ACP4: variants seen among roughly 807,000 people sequenced by gnomAD.
ACP4 encodes the protein acid phosphatase 4, also known as testicular acid phosphatase.
In ACP4, 49 loss-of-function variants were observed where a neutral mutation model predicts 47.3. The observed-to-expected ratio is 1.04, with a 90% CI of 0.82 to 1.32. The LOEUF (loss-of-function observed/expected upper bound fraction) is 1.32, where lower values mean the gene tolerates loss of function less well. ACP4 is among the 40% of genes most tolerant of loss of function. The pLI is 0.00. For synonymous variants in ACP4, 299 were observed against 265.3 expected (o/e 1.13, Z -1.23); for missense variants, 594 against 579.3 (o/e 1.03, Z -0.26).
rs373891137 is a variant in ACP4, at chr19:50,792,190, G to T, written c.549+19G>T. On this transcript the variant is annotated intron_variant, in intron 5 of 10. Coordinates refer to ENST00000270593, the MANE Select transcript of ACP4 (RefSeq NM_033068.3). ...CTGGACGGTGAGCAGGGCGGCGGTG[G>T]GGGGCGGGATGCAGGGGATGGGCCT... 1.7e-4 allele frequency: 278 copies of T among 1,610,878 alleles called. 1 individual carries two copies. The Middle Eastern group carries it at 2.6e-3, about 15-fold the overall frequency.
In ACP4 at chr19:50,791,697, T is replaced by C. The variant is rs1281712654; in HGVS notation, c.345T>C (p.Ser115=). 10 of 1,613,246 alleles carry C rather than the reference T, an allele frequency of 6.2e-6. No homozygotes were observed. The highest frequency in any genetic ancestry group is 8.5e-6 in the Non-Finnish European group (10 of 1,179,894). The change falls in exon 4 of 11, where the codon AGT becomes AGC. Residue 115 remains serine, a synonymous_variant. Coordinates refer to ENST00000270593, the MANE Select transcript of ACP4 (RefSeq NM_033068.3). ...RSTDFDRTLE[S]AQANLAGLFP... is the part of the protein sequence containing the mutation. ...CGGACTTTGACCGCACGCTGGAGAG[T>C]GCCCAGGCCAACCTTGCCGGGCTGT... is the stretch of plus-strand genomic sequence containing the variant.
chr19:50,790,736 G>GGGTGGGGAGT, intron 2 of ACP4, 38 bp downstream of exon 2: 2 of 1,540,992 alleles, frequency 1.3e-6, no homozygotes, highest in Non-Finnish European at 1.7e-6. Flanking sequence ...AGGGTGGGAG[G>GGGTGGGGAGT]GGTGGGGAGT....
chr19:50,791,938 G>A (rs3810283), intron 4 of ACP4, 135 bp from the exon 5 acceptor site: 128,270 of 1,446,632 alleles, frequency 0.089, 6,018 homozygotes, highest in African/African-American at 0.13. Context: ...GGTGAGCCCC[G>A]GCCCACGCTG....
chr19:50,794,905 C>T lies in ACP4; in HGVS notation c.1106C>T (p.Ala369Val), dbSNP rs140557537. 2.2e-4 allele frequency: 350 copies of T among 1,613,566 alleles called. No individual in the cohort carries two copies. In the African/African-American group the frequency reaches 3.3e-3, roughly 15 times the overall value. ...CGCTTCTACCAGCTGACTGCCCCGG[C>T]CCGGCCTCCCGCCCATGGGGTCTCC... ...LGRFYQLTAPARPPAHGVSCH... is the reference protein window; with the variant it reads ...LGRFYQLTAPVRPPAHGVSCH... Residue 369 changes from alanine to valine, a missense_variant, in exon 10 of 11, where the codon GCC (alanine) becomes GTC (valine). Coordinates refer to ENST00000270593, the MANE Select transcript of ACP4 (RefSeq NM_033068.3).
intron 6 of ACP4, chr19:50,792,888 G>A (rs538515360): frequency 2.6e-5 from 4 of 152,588 alleles, no homozygotes; most frequent in African/African-American, 7.2e-5. Context: ...TGGGGTCTAT[G>A]TTGCCCAGGA....
chr19:50,794,209 T>C (rs1435977415), intron 8 of ACP4, among the ~76,000 whole-genome samples: 1 of 152,222 alleles, frequency 6.6e-6, no homozygotes, highest in Admixed American at 6.5e-5. Flanking sequence ...GAAACTATGA[T>C]TGGACTAAGC....
At chr19:50,792,953 G>T (rs2089522756) in intron 6 of ACP4, among the ~76,000 whole-genome samples, 4 of 152,142 alleles carry the variant, frequency 2.6e-5, no homozygotes, top group Non-Finnish European at 5.9e-5. Context: ...TTACAGGCGT[G>T]AGCCACCATA....
In ACP4 at chr19:50,790,698, G is replaced by A. The variant is rs2162784; in HGVS notation, c.216G>A (p.Thr72=). Residue 72 remains threonine, a splice_region_variant and synonymous_variant, in exon 2 of 11, where the codon ACG becomes ACA. Transcript: ENST00000270593. The part of the protein sequence containing the change: ...LWPRGLGQLT[T]EGVRQQLELG... ...CACGAGGCCTGGGCCAGCTGACCAC[G>A]GTGAGAAGCGGGTAGGCGGTGAGGG... 137,076 of 1,545,498 alleles carry A rather than the reference G, an allele frequency of 0.089. 6,439 individuals are homozygous for A. The highest frequency in any genetic ancestry group is 0.13 in the African/African-American group (9,691 of 73,112).
In ACP4 at chr19:50,794,848, T is replaced by TC; in HGVS notation, c.1053dup (p.Gly352ArgfsTer32). On this transcript the variant is annotated frameshift_variant, in exon 10 of 11. Coordinates refer to ENST00000270593, the MANE Select transcript of ACP4 (RefSeq NM_033068.3). LOFTEE classifies it high-confidence loss of function. Reference sequence around the variant, plus strand: ...GCCCACCTGCCCCTGCCTCTCAGCCTCCCCGGGTGCCCGGCCCCCTGTCCA... The same window carrying TC: ...GCCCACCTGCCCCTGCCTCTCAGCCTCCCCCGGGTGCCCGGCCCCCTGTCCA... The TC allele has an allele frequency of 6.2e-7, 1 of 1,613,524 alleles. No individual in the cohort carries two copies. The highest frequency in any genetic ancestry group is 1.1e-5 in the South Asian group (1 of 90,980).
At position 50,795,060 on chromosome 19, in the gene ACP4, C is replaced by T; in HGVS notation, c.1183C>T (p.Leu395=). The change falls in exon 11 of 11, where the codon CTG becomes TTG. Residue 395 remains leucine (L), a synonymous_variant. Coordinates refer to ENST00000270593, the MANE Select transcript of ACP4 (RefSeq NM_033068.3). The stretch of plus-strand genomic sequence containing the variant: ...CCCTGCAGCTCCAGTGGTGCCCCTG[C>T]TGGCCGGAGCTGTAGCTGTGCTGGT... ...AIPPAPVVPL[L]AGAVAVLVAL... 1 of 1,604,412 alleles carries T rather than the reference C, an allele frequency of 6.2e-7. No homozygotes were observed. The highest frequency in any genetic ancestry group is 8.5e-7 in the Non-Finnish European group (1 of 1,176,004).
chr19:50,793,620 G>C (rs2089528515), intron 6 of ACP4, 64 bp from the exon 7 acceptor site: 3 of 1,591,248 alleles, frequency 1.9e-6, no homozygotes, highest in African/African-American at 2.7e-5. Context: ...GGGCAGCACA[G>C]GCCTGCGGGG....
intron 6 of ACP4, 147 bp from the exon 7 acceptor site, chr19:50,793,537 A>T: frequency 8.2e-7 from 1 of 1,220,356 alleles, no homozygotes; most frequent in East Asian, 2.5e-5. Flanking sequence ...AACAACAAAA[A>T]AACACTGTTA....
chr19:50,790,818 C>G lies in ACP4; in HGVS notation c.261C>G (p.Ser87Arg), dbSNP rs1460073040. 2 of 1,548,806 alleles carry G rather than the reference C, an allele frequency of 1.3e-6. No individual in the cohort carries two copies. The highest frequency in any genetic ancestry group is 1.7e-6 in the Non-Finnish European group (2 of 1,146,780). The change falls in exon 3 of 11, where the codon AGC becomes AGG. Residue 87 changes from serine (S) to arginine (R), a missense_variant. Transcript: ENST00000270593. ...QQLELGRFLR[S>R]RYEAFLSPEY... ...TGGAGCTGGGCCGCTTCCTGAGGAG[C>G]CGCTACGAGGCCTTCCTGAGTCCGG... is the stretch of plus-strand genomic sequence containing the variant.
chr19:50,791,846 G>C (rs1290714061), intron 4 of ACP4, 44 bp downstream of exon 4: 1 of 1,547,456 alleles, frequency 6.5e-7, no homozygotes, highest in African/African-American at 1.4e-5. Flanking sequence ...GGAGCGGGTG[G>C]AGAGAGAGGC....
At position 50,790,545 on chromosome 19, in the gene ACP4, G is replaced by A; in HGVS notation, c.111+20G>A. The A allele has an allele frequency of 1.3e-6, 2 of 1,540,762 alleles. No individual in the cohort carries two copies. The highest frequency in any genetic ancestry group is 8.8e-7 in the Non-Finnish European group (1 of 1,141,464). ...GCTCTGGTGAGGCGCCCCCACCCCGGCCTGCCCTTAGCTCCCCCAGGGCTA... is the reference window on the plus strand; with the variant it reads ...GCTCTGGTGAGGCGCCCCCACCCCGACCTGCCCTTAGCTCCCCCAGGGCTA... On this transcript the variant is annotated intron_variant, in intron 1 of 10. Transcript: ENST00000270593.
intron 3 of ACP4, 147 bp from the exon 4 acceptor site, chr19:50,791,509 G>A: frequency 8.2e-7 from 1 of 1,220,120 alleles, no homozygotes; most frequent in Non-Finnish European, 1.2e-6. Flanking sequence ...CTGGACCCTT[G>A]ATCCCAACTT....
intron 8 of ACP4, 149 bp from the exon 9 acceptor site, chr19:50,794,308 T>C (rs2089536121): frequency 8.5e-7 from 1 of 1,173,480 alleles, no homozygotes; most frequent in Non-Finnish European, 1.2e-6. Context: ...CGCCTGCAAA[T>C]GTTGGTACTG....
intron 8 of ACP4, 27 bp from the exon 9 acceptor site, chr19:50,794,430 C>G (rs747770038): frequency 3.7e-6 from 6 of 1,611,856 alleles, no homozygotes; most frequent in Non-Finnish European, 5.1e-6. Flanking sequence ...AGAGAAGTGC[C>G]GTCTCAGCCC....
intron 4 of ACP4, 49 bp from the exon 5 acceptor site, chr19:50,792,024 C>A (rs1489257519): frequency 1.1e-5 from 17 of 1,522,962 alleles, no homozygotes; most frequent in Non-Finnish European, 1.5e-5. Flanking sequence ...CGCTGTGAGA[C>A]CCAAGGCAAG....
Sources: gnomAD v4.1 joint callset for allele counts (sites outside exome capture counted in the v4.1 genomes callset) on GRCh38, gnomAD v4.1.1 for gene constraint, MANE v1.5 for transcripts, NCBI Gene and HGNC (gene_info 2026-07-23, HGNC 2026-07-21) for gene names.